The following SH3D19 variants were observed in gnomAD, a reference collection of about 807,000 sequenced individuals.
SH3D19 encodes the protein SH3 domain-containing protein 19.
Under a neutral mutation model 112.1 loss-of-function variants are expected in SH3D19, and 58 were observed. The ratio of observed to expected loss-of-function variants is 0.52; its 90% confidence interval spans 0.42 to 0.64. The LOEUF is 0.64. Ranked by LOEUF, SH3D19 falls within the 30% of genes least tolerant of loss-of-function variation. The probability of loss-of-function intolerance (pLI) is 0.00; values close to 1 mark genes in which losing one functional copy is unlikely to be tolerated. For synonymous variants in SH3D19, 391 were observed against 448.5 expected (o/e 0.87, Z 1.62); for missense variants, 1,090 against 1,263.4 (o/e 0.86, Z 2.08).
chr4:151,159,701 T>G (rs1190861103), intron 8 of SH3D19, among the ~76,000 whole-genome samples: 2 of 152,196 alleles, frequency 1.3e-5, no homozygotes, highest in African/African-American at 4.8e-5. Context: ...CACTAGCTAG[T>G]AGCTACATCT....
Position 151,139,778 on chromosome 4 carries a change from C to G in SH3D19, c.2293G>C (p.Ala765Pro). Residue 765 changes from alanine (A) to proline (P), a missense_variant, in exon 13 of 20, where the codon GCA (alanine) becomes CCA (proline). Ala to Pro is a conservative substitution (Grantham distance 27). Coordinates refer to ENST00000604030, the MANE Select transcript of SH3D19 (RefSeq NM_001378122.1). ...ACTGCATTATTTACATCCTTACCTG[C>G]TGGGAAATCATGAAGAACGACAGCA... ...PHAVVLHDFP[A>P]EQVDDLNLTS... 1 of 1,614,008 alleles carries G rather than the reference C, an allele frequency of 6.2e-7. No homozygotes were observed. The highest frequency in any genetic ancestry group is 8.5e-7 in the Non-Finnish European group (1 of 1,179,908).
In SH3D19 at chr4:151,180,569, G is replaced by A. The variant is rs535698383; in HGVS notation, c.194-1172C>T. ...CTACAGGCGCCCGCGACCATGCCTG[G>A]CTAATTTTTTATATTTTTAGTAGAT... On this transcript the variant is annotated intron_variant, in intron 3 of 19. Transcript: ENST00000604030. 5.3e-5 allele frequency among the ~76,000 whole-genome samples: 8 copies of A among 151,500 alleles called. No individual in the cohort carries two copies. The South Asian group carries it at 1.3e-3, about 24-fold the overall frequency.
intron 1 of SH3D19, among the ~76,000 whole-genome samples, chr4:151,268,151 T>C (rs936513204): frequency 6.6e-6 from 1 of 152,240 alleles, no homozygotes; most frequent in Admixed American, 6.5e-5. Context: ...CTATTGCTCA[T>C]AGGCTACAAA....
intron 1 of SH3D19, among the ~76,000 whole-genome samples, chr4:151,248,122 T>TG (rs1390570364): frequency 3.5e-4 from 53 of 152,052 alleles, no homozygotes; most frequent in African/African-American, 1.2e-3. Flanking sequence ...TACTTTTTTT[T>TG]TTTTGTTTGT....
At position 151,176,614 on chromosome 4, in the gene SH3D19, G is replaced by A; in HGVS notation, c.449C>T (p.Ala150Val). 8.1e-7 allele frequency: 1 copy of A among 1,231,204 alleles called. No individual in the cohort carries two copies. The allele number at this position is 1,231,204 out of a possible 1,614,324, so 76.3% of individuals were successfully genotyped here. A position where few individuals can be genotyped will look rare whatever the true frequency, so the allele number is the denominator to read the frequency against. ...AATAGTGTGCCTTGGAGTAGCAGCA[G>A]CATTATTATTATTTGTAGTATTAAC... The part of the protein sequence containing the change: ...VQVNTTNNNN[A>V]AATPRHTITS... Residue 150 changes from alanine (A) to valine (V), a missense_variant, in exon 6 of 20, where the codon GCT becomes GTT. Ala to Val is a moderately conservative substitution (Grantham distance 64, BLOSUM62 0). Transcript: ENST00000604030.
intron 7 of SH3D19, among the ~76,000 whole-genome samples, chr4:151,169,169 T>C (rs533606427): frequency 1.3e-5 from 2 of 152,240 alleles, no homozygotes; most frequent in African/African-American, 2.4e-5. Context: ...GTATAACTTA[T>C]GAAGTATTCA....
chr4:151,158,278 A>G (rs1013072073), intron 9 of SH3D19, among the ~76,000 whole-genome samples: 20 of 152,034 alleles, frequency 1.3e-4, no homozygotes, highest in African/African-American at 4.8e-4. Flanking sequence ...AAGTCCTCTG[A>G]AAGTCTTTAT....
At chr4:151,169,985 T>G (rs936584300) in intron 7 of SH3D19, among the ~76,000 whole-genome samples, 5 of 152,154 alleles carry the variant, frequency 3.3e-5, no homozygotes, top group African/African-American at 1.2e-4. Context: ...GGATACCTCA[T>G]AGTAGGAGAA....
chr4:151,193,367 T>C (rs759500364), intron 2 of SH3D19, among the ~76,000 whole-genome samples: 5 of 152,198 alleles, frequency 3.3e-5, no homozygotes, highest in Non-Finnish European at 7.3e-5. Context: ...AGGTTGACCT[T>C]ATTTAGAGAT....
At chr4:151,322,406 C>G (rs1289719722) in intron 1 of SH3D19, among the ~76,000 whole-genome samples, 2 of 141,460 alleles carry the variant, frequency 1.4e-5, no homozygotes, top group Non-Finnish European at 3.0e-5. Flanking sequence ...AGACTCCAGC[C>G]TGGGCGACAG....
At chr4:151,207,445 AGAG>A (rs1765279558) in intron 2 of SH3D19, among the ~76,000 whole-genome samples, 1 of 152,246 alleles carries the variant, frequency 6.6e-6, no homozygotes, top group Admixed American at 6.5e-5. Context: ...ATTCAGAATG[AGAG>A]GAGATTAGGT....
chr4:151,290,577 C>A (rs970859253), intron 1 of SH3D19, among the ~76,000 whole-genome samples: 5 of 152,094 alleles, frequency 3.3e-5, no homozygotes, highest in African/African-American at 9.7e-5. Context: ...TATGAGGTTT[C>A]TTTTTAGGGT....
intron 15 of SH3D19, 127 bp from the exon 16 acceptor site, chr4:151,133,363 T>C: frequency 2.7e-6 from 2 of 734,288 alleles, no homozygotes; most frequent in Non-Finnish European, 2.2e-6. Flanking sequence ...CTAGGCTAAT[T>C]TGAAATTATT....
At position 151,285,100 on chromosome 4, in the gene SH3D19, A is replaced by T. The variant is rs560468976; in HGVS notation, c.112+40141T>A. Among the ~76,000 whole-genome samples, 292 of 152,008 alleles carry T rather than the reference A, an allele frequency of 1.9e-3. 1 individual carries two copies. The highest frequency in any genetic ancestry group is 2.4e-3 in the Non-Finnish European group (166 of 67,982). ...TGCTTTAAGGGAAAAGCCACTTTTT[A>T]AAAAAAAGAGTGTCATTCCTTTCTT... On this transcript the variant is annotated intron_variant, in intron 1 of 19. Transcript: ENST00000604030.
At chr4:151,307,545 G>A (rs1285013412) in intron 1 of SH3D19, among the ~76,000 whole-genome samples, 1 of 152,242 alleles carries the variant, frequency 6.6e-6, no homozygotes, top group Non-Finnish European at 1.5e-5. Context: ...AGGCAGGTGT[G>A]TGCCCGCAGG....
At chr4:151,132,714 C>G (rs1750982077) in intron 16 of SH3D19, among the ~76,000 whole-genome samples, 1 of 152,194 alleles carries the variant, frequency 6.6e-6, no homozygotes, top group South Asian at 2.1e-4. Flanking sequence ...TAGCTCACTG[C>G]AGCCTTGAAC....
chr4:151,244,881 C>T (rs1409496055), intron 1 of SH3D19, among the ~76,000 whole-genome samples: 3 of 152,114 alleles, frequency 2.0e-5, no homozygotes, highest in African/African-American at 7.2e-5. Flanking sequence ...CAGTGGCTCA[C>T]GCCTGTAATC....
chr4:151,212,097 T>C (rs573269540), intron 2 of SH3D19, among the ~76,000 whole-genome samples: 1 of 152,344 alleles, frequency 6.6e-6, no homozygotes, highest in African/African-American at 2.4e-5. Context: ...TGACTTTTGT[T>C]AGAGGCTAAT....
In SH3D19 at chr4:151,292,989, G is replaced by A. The variant is rs552713884; in HGVS notation, c.112+32252C>T. On this transcript the variant is annotated intron_variant, in intron 1 of 19. Coordinates refer to ENST00000604030, the MANE Select transcript of SH3D19 (RefSeq NM_001378122.1). ...ACAAAAATTAGCCAGGCATGGTGGC[G>A]GGTGCCTGTAATCCCAGCTACTCAG... Among the ~76,000 whole-genome samples the A allele has an allele frequency of 5.9e-5, 9 of 151,956 alleles. No individual in the cohort carries two copies. The East Asian group carries it at 1.2e-3, about 20-fold the overall frequency.
Sources: allele counts gnomAD v4.1 joint callset (sites outside exome capture counted in the v4.1 genomes callset), GRCh38; gene constraint gnomAD v4.1.1; transcripts MANE v1.5; gene names NCBI Gene and HGNC (gene_info 2026-07-23, HGNC 2026-07-21).